Variants in CHST9 observed in about 807,000 individuals in gnomAD.
CHST9 encodes GalNAc-4-sulfotransferase 2.
A neutral mutation model predicts 44.4 loss-of-function variants in CHST9; 41 were observed. That is an observed-to-expected ratio of 0.92 (90% confidence interval 0.72 to 1.20). CHST9 has a LOEUF of 1.20. Among genes scored for constraint, CHST9 ranks in the 50% most tolerant of loss-of-function variants. CHST9 has a pLI of 0.00. For synonymous variants in CHST9, 171 were observed against 178.4 expected, an observed-to-expected ratio of 0.96 and a Z score of 0.33; for missense variants, 504 against 516.5, an observed-to-expected ratio of 0.98 and a Z score of 0.23.
chr18:26,944,533 A>G (rs80002981), intron 4 of CHST9, among the ~76,000 whole-genome samples, 167 bp from the exon 5 acceptor site: 3,784 of 152,224 alleles, frequency 0.025, 153 homozygotes, highest in African/African-American at 0.087. Context: ...ATAACTGGGG[A>G]AAAAAAGCCA....
At chr18:27,065,583 GCTTT>G (rs2057773312) in intron 2 of CHST9, among the ~76,000 whole-genome samples, 1 of 100,240 alleles carries the variant, frequency 1.0e-5, no homozygotes, top group African/African-American at 3.9e-5. Flanking sequence ...GTCGTTCACT[GCTTT>G]TTTTTTTTTT....
chr18:27,020,871 G>A (rs1251243277), intron 4 of CHST9, among the ~76,000 whole-genome samples: 1 of 152,104 alleles, frequency 6.6e-6, no homozygotes, highest in Non-Finnish European at 1.5e-5. Context: ...AACATTTTAA[G>A]AGGACGCTGA....
intron 1 of CHST9, among the ~76,000 whole-genome samples, chr18:27,148,827 C>T (rs1241306169): frequency 7.2e-6 from 1 of 138,232 alleles, no homozygotes; most frequent in African/African-American, 2.6e-5. Context: ...CCTGAGGAAT[C>T]GCCACACTGA....
chr18:27,114,754 C>T (rs1347448012), intron 2 of CHST9, among the ~76,000 whole-genome samples: 1 of 152,176 alleles, frequency 6.6e-6, no homozygotes, highest in Non-Finnish European at 1.5e-5. Context: ...TCTTAAGGTT[C>T]ATCAATGTTG....
intron 2 of CHST9, among the ~76,000 whole-genome samples, chr18:27,056,302 C>T (rs1400088037): frequency 6.6e-6 from 1 of 152,110 alleles, no homozygotes; most frequent in Admixed American, 6.6e-5. Context: ...ATGGTGAAGG[C>T]AGGCTCAGAA....
At chr18:27,036,468 A>G (rs1288325680) in intron 3 of CHST9, among the ~76,000 whole-genome samples, 2 of 152,240 alleles carry the variant, frequency 1.3e-5, no homozygotes, top group African/African-American at 4.8e-5. Context: ...GTTTCTATAG[A>G]AGGAAATACA....
At chr18:26,988,028 G>T (rs1012937452) in intron 4 of CHST9, among the ~76,000 whole-genome samples, 1 of 152,026 alleles carries the variant, frequency 6.6e-6, no homozygotes, top group Non-Finnish European at 1.5e-5. Context: ...GACTGCTAAA[G>T]TTAATGATGC....
At chr18:27,181,544 T>C (rs747691026) in intron 1 of CHST9, among the ~76,000 whole-genome samples, 2 of 152,202 alleles carry the variant, frequency 1.3e-5, no homozygotes, top group Non-Finnish European at 2.9e-5. Flanking sequence ...TATTAATATA[T>C]AAGGCCTAGG....
chr18:27,084,627 GT>G (rs1471707198), intron 2 of CHST9, among the ~76,000 whole-genome samples: 1 of 151,398 alleles, frequency 6.6e-6, no homozygotes, highest in African/African-American at 2.4e-5. Context: ...CTTTTGTATG[GT>G]TTTTTTGGTC....
chr18:27,181,182 G>A, intron 1 of CHST9, among the ~76,000 whole-genome samples: 1 of 152,226 alleles, frequency 6.6e-6, no homozygotes, highest in African/African-American at 2.4e-5. Context: ...CCACACAGAG[G>A]TTTTCTAAAT....
rs1186324351 is a variant in CHST9, at chr18:26,909,543, GTTCTT to G, written c.*6711_*6715del. The G allele has an allele frequency of 2.0e-5, 3 of 151,884 alleles. No homozygotes were observed. Among genetic ancestry groups the G allele is most frequent in the Admixed American group, 6.6e-5 (1 of 15,248 alleles). The allele number at this position is 151,884 out of a possible 1,614,324, so 9.4% of individuals were successfully genotyped here. ...TAATCACAGTCAAACAAATAATATT[GTTCTT>G]TTAAGTTGGTAGACACTCTAGCATT... On this transcript the variant is annotated 3_prime_UTR_variant, in exon 6 of 6. Coordinates refer to ENST00000618847, the MANE Select transcript of CHST9 (RefSeq NM_031422.6).
chr18:26,998,739 C>CAAAAA (rs11480705), intron 4 of CHST9, among the ~76,000 whole-genome samples: 3 of 114,070 alleles, frequency 2.6e-5, no homozygotes, highest in Admixed American at 9.0e-5. Context: ...ACAACAACAA[C>CAAAAA]AAAAAAAAAA....
At chr18:27,051,455 C>T (rs1375914537) in intron 2 of CHST9, among the ~76,000 whole-genome samples, 1 of 152,138 alleles carries the variant, frequency 6.6e-6, no homozygotes, top group Non-Finnish European at 1.5e-5. Context: ...TTCAATATTC[C>T]TTTCTTTTGG....
chr18:27,077,896 G>A (rs1473271038), intron 2 of CHST9, among the ~76,000 whole-genome samples: 1 of 152,110 alleles, frequency 6.6e-6, no homozygotes, highest in Non-Finnish European at 1.5e-5. Context: ...TTTTGGGGAG[G>A]CCTCAGGAAA....
chr18:27,162,343 G>T (rs1028373200), intron 1 of CHST9, among the ~76,000 whole-genome samples: 2 of 151,844 alleles, frequency 1.3e-5, no homozygotes, highest in African/African-American at 2.4e-5. Flanking sequence ...GTCTGTAAAG[G>T]ATTTTATTTC....
chr18:27,135,296 T>C (rs1041265439), intron 2 of CHST9, among the ~76,000 whole-genome samples: 2 of 152,230 alleles, frequency 1.3e-5, no homozygotes, highest in Admixed American at 6.5e-5. Context: ...AGTATATTTT[T>C]CTGTCTGATT....
At chr18:27,163,218 C>A (rs557656990) in intron 1 of CHST9, among the ~76,000 whole-genome samples, 1 of 152,290 alleles carries the variant, frequency 6.6e-6, no homozygotes, top group Non-Finnish European at 1.5e-5. Context: ...TGTCAGTCTG[C>A]CCCTACTGGG....
intron 2 of CHST9, among the ~76,000 whole-genome samples, chr18:27,128,575 A>G (rs1375403417): frequency 1.3e-5 from 2 of 152,176 alleles, no homozygotes; most frequent in African/African-American, 4.8e-5. Flanking sequence ...GCCCCAAATC[A>G]TTAAGTGAAT....
At chr18:27,104,900 T>A (rs1598727854) in intron 2 of CHST9, among the ~76,000 whole-genome samples, 1 of 152,198 alleles carries the variant, frequency 6.6e-6, no homozygotes, top group Non-Finnish European at 1.5e-5. Flanking sequence ...GCCTCTTTAG[T>A]GCCTGGCTCA....
Sources: gnomAD v4.1 joint callset for allele counts (sites outside exome capture counted in the v4.1 genomes callset) on GRCh38, gnomAD v4.1.1 for gene constraint, MANE v1.5 for transcripts, NCBI Gene and HGNC (gene_info 2026-07-23, HGNC 2026-07-21) for gene names.